Variants in SMG6 observed in about 807,000 individuals in gnomAD.
The protein encoded by SMG6 is telomerase-binding protein EST1A.
A neutral mutation model predicts 142.2 loss-of-function variants in SMG6; 66 were observed. The ratio of observed to expected loss-of-function variants is 0.46; its 90% CI spans 0.38 to 0.57. The LOEUF (loss-of-function observed/expected upper bound fraction) is 0.57. SMG6 is among the 20% of genes least tolerant of loss of function. The pLI is 0.00. For missense variants in SMG6, 1,793 were observed against 1,832.0 expected (o/e 0.98, Z 0.39); for synonymous variants, 779 against 702.4 (o/e 1.11, Z -1.72).
chr17:2,231,652 G>A (rs970150993), intron 10 of SMG6, among the ~76,000 whole-genome samples: 1 of 151,968 alleles, frequency 6.6e-6, no homozygotes, highest in African/African-American at 2.4e-5. Context: ...AGCCGAGATC[G>A]CACCACTGCA....
At chr17:2,063,793 T>A (rs2067856078) in intron 18 of SMG6, among the ~76,000 whole-genome samples, 1 of 150,364 alleles carries the variant, frequency 6.7e-6, no homozygotes, top group Admixed American at 6.6e-5. Context: ...GGAAGGAGAG[T>A]GTGAAGGGAG....
chr17:2,214,530 G>A (rs2072958512), intron 10 of SMG6: 1 of 152,270 alleles, frequency 6.6e-6, no homozygotes, highest in East Asian at 1.9e-4. Flanking sequence ...CTCACATGCT[G>A]AGCCAGTCAG....
Position 2,282,982 on chromosome 17 carries a change from C to T in SMG6, c.2449-123G>A, listed in dbSNP as rs1192721387. ...GGTCAGGAGTTTGAGACCAGCCTGA[C>T]CAACATAGTGAAACCCTGTCTCTAC... On this transcript the variant is annotated intron_variant, in intron 7 of 18. Transcript: ENST00000263073. 4.7e-6 allele frequency: 4 copies of T among 848,946 alleles called. No homozygotes were observed. The East Asian group carries it at 1.0e-4, about 22-fold the overall frequency. The allele number at this position is 848,946 out of a possible 1,614,324, so 52.6% of individuals were successfully genotyped here. A position where few individuals can be genotyped will look rare whatever the true frequency, so the allele number is the denominator to read the frequency against.
chr17:2,290,737 A>G (rs776534174), intron 6 of SMG6, among the ~76,000 whole-genome samples: 1 of 152,268 alleles, frequency 6.6e-6, no homozygotes, highest in African/African-American at 2.4e-5. Context: ...AAATATATAA[A>G]GAACTCTTAA....
intron 10 of SMG6, among the ~76,000 whole-genome samples, chr17:2,193,973 G>C (rs928043370): frequency 3.3e-5 from 5 of 152,186 alleles, no homozygotes; most frequent in East Asian, 1.9e-4. Flanking sequence ...TGGGATTAGA[G>C]GCACGCACAG....
chr17:2,197,641 C>T (rs1415599733), intron 10 of SMG6, among the ~76,000 whole-genome samples: 2 of 151,580 alleles, frequency 1.3e-5, no homozygotes, highest in African/African-American at 4.9e-5. Flanking sequence ...AAGAAAACAA[C>T]AATACATTTA....
At chr17:2,264,399 T>C (rs1361803909) in intron 8 of SMG6, among the ~76,000 whole-genome samples, 6 of 152,182 alleles carry the variant, frequency 3.9e-5, no homozygotes, top group Non-Finnish European at 7.3e-5. Flanking sequence ...CATCTTTACA[T>C]TGGCTTTGAA....
chr17:2,245,794 C>G (rs2073916350), intron 8 of SMG6, among the ~76,000 whole-genome samples: 2 of 152,216 alleles, frequency 1.3e-5, no homozygotes, highest in African/African-American at 4.8e-5. Context: ...GATCCTCCTG[C>G]CTCAGCCTCC....
At chr17:2,090,200 AAAG>A (rs1316027257) in intron 13 of SMG6, among the ~76,000 whole-genome samples, 2 of 149,874 alleles carry the variant, frequency 1.3e-5, no homozygotes, top group East Asian at 3.9e-4. Flanking sequence ...AAAAAAAAAA[AAAG>A]GAAAGAAGAA....
chr17:2,151,581 G>T (rs1184447218), intron 13 of SMG6, among the ~76,000 whole-genome samples: 1 of 152,214 alleles, frequency 6.6e-6, no homozygotes, highest in Non-Finnish European at 1.5e-5. Flanking sequence ...TGCAGTGTTA[G>T]TGATCCATGT....
chr17:2,065,369 C>T (rs1207457441), intron 17 of SMG6, 99 bp downstream of exon 17: 6 of 1,271,702 alleles, frequency 4.7e-6, no homozygotes, highest in Non-Finnish European at 6.6e-6. Flanking sequence ...GGCTGGCCCT[C>T]AGCTGCCCAG....
chr17:2,105,391 C>A (rs1465252706), intron 13 of SMG6, among the ~76,000 whole-genome samples: 1 of 151,000 alleles, frequency 6.6e-6, no homozygotes, highest in Non-Finnish European at 1.5e-5. Context: ...ACTAAAAATA[C>A]AAAAATTAGC....
At chr17:2,179,611 C>T (rs1365281856) in intron 12 of SMG6, among the ~76,000 whole-genome samples, 1 of 151,844 alleles carries the variant, frequency 6.6e-6, no homozygotes, top group African/African-American at 2.4e-5. Context: ...GTACTCCAAT[C>T]CAACAGTGTG....
chr17:2,078,682 T>C (rs955445736), intron 15 of SMG6, among the ~76,000 whole-genome samples: 4 of 152,158 alleles, frequency 2.6e-5, no homozygotes, highest in Non-Finnish European at 5.9e-5. Flanking sequence ...ACTGAATACA[T>C]ATCTGCTGAG....
At chr17:2,196,928 G>A (rs2072348087) in intron 10 of SMG6, among the ~76,000 whole-genome samples, 1 of 152,014 alleles carries the variant, frequency 6.6e-6, no homozygotes, top group African/African-American at 2.4e-5. Flanking sequence ...TTAGACATCT[G>A]TATGCAAAAA....
chr17:2,277,316 G>A (rs1320794054), intron 8 of SMG6, among the ~76,000 whole-genome samples: 1 of 151,686 alleles, frequency 6.6e-6, no homozygotes, highest in Non-Finnish European at 1.5e-5. Flanking sequence ...ACAGGTGCCT[G>A]CCACCATGCC....
intron 13 of SMG6, among the ~76,000 whole-genome samples, chr17:2,133,418 AG>A (rs1221518823): frequency 6.6e-6 from 1 of 152,184 alleles, no homozygotes; most frequent in Non-Finnish European, 1.5e-5. Context: ...AATATGAAAC[AG>A]TGGGAAAGCG....
chr17:2,242,689 TAA>T lies in SMG6; in HGVS notation c.2723+1967_2723+1968del, dbSNP rs57079220. Reference sequence around the variant, plus strand: ...GTAACACAGACAGGCTCCATCTCTTTAAAAAAAAAAAAAAAAAAAAAAAAAAA... The same window carrying T: ...GTAACACAGACAGGCTCCATCTCTTTAAAAAAAAAAAAAAAAAAAAAAAAA... On this transcript the variant is annotated intron_variant, in intron 9 of 18. Transcript: ENST00000263073. 9.0e-3 allele frequency among the ~76,000 whole-genome samples: 504 copies of T among 55,858 alleles called. 6 individuals are homozygous for T. The highest frequency in any genetic ancestry group is 0.018 in the African/African-American group (230 of 13,122). The allele number at this position is 55,858 out of a possible 152,430, so 36.6% of individuals were successfully genotyped here.
rs1039464441 is a variant in SMG6, at chr17:2,060,167, C to T, written c.*1325G>A. 5.9e-5 allele frequency: 9 copies of T among 152,332 alleles called. No individual in the cohort carries two copies. Among genetic ancestry groups the T allele is most frequent in the African/African-American group, 2.2e-4 (9 of 41,466 alleles). The allele number at this position is 152,332 out of a possible 1,614,324, so 9.4% of individuals were successfully genotyped here. A position where few individuals can be genotyped will look rare whatever the true frequency, so the allele number is the denominator to read the frequency against. On this transcript the variant is annotated 3_prime_UTR_variant, in exon 19 of 19. Transcript: ENST00000263073. ...GTCAGGCCATGGGCTCTGGGGTATC[C>T]CCCACTGGTCCCATTAAGATTTGCC...
Sources: allele counts gnomAD v4.1 joint callset (sites outside exome capture counted in the v4.1 genomes callset), GRCh38; gene constraint gnomAD v4.1.1; transcripts MANE v1.5; gene names NCBI Gene and HGNC (gene_info 2026-07-23, HGNC 2026-07-21).